Variants in NCAM2 observed in about 807,000 individuals in gnomAD.
NCAM2 encodes the protein N-CAM-2.
NCAM2 carries 30 observed loss-of-function variants against 98.1 expected under a neutral mutation model. The ratio of observed to expected loss-of-function variants is 0.31; its 90% CI spans 0.23 to 0.41. The LOEUF is 0.41. Among genes scored for constraint, NCAM2 ranks in the 10% least tolerant of loss-of-function variants. NCAM2 has a pLI of 1.00. For missense variants in NCAM2, 867 were observed against 1,005.8 expected, an observed-to-expected ratio of 0.86 and a Z score of 1.87; for synonymous variants, 368 against 342.4, an observed-to-expected ratio of 1.07 and a Z score of -0.83.
chr21:21,041,339 G>A lies in NCAM2; in HGVS notation c.55+42721G>A, dbSNP rs2064900593. On this transcript the variant is annotated intron_variant, in intron 1 of 17. Transcript: ENST00000400546. ...GGGAAGCCGTGTTATGCTCTCAACAGAATTTTTTCACTCATTAATTGTATA... is the reference window on the plus strand; with the variant it reads ...GGGAAGCCGTGTTATGCTCTCAACAAAATTTTTTCACTCATTAATTGTATA... Among the ~76,000 whole-genome samples the A allele has an allele frequency of 2.0e-5, 3 of 152,102 alleles. No homozygotes were observed. In the South Asian group the frequency reaches 6.2e-4, roughly 32 times the overall value.
At position 21,103,508 on chromosome 21, in the gene NCAM2, T is replaced by G. The variant is rs143327456; in HGVS notation, c.55+104890T>G. On this transcript the variant is annotated intron_variant, in intron 1 of 17. Transcript: ENST00000400546. ...GAAATATGTATTCTAAAATATAAAG[T>G]GTAAAAATTAACAATACATGAAATA... Among the ~76,000 whole-genome samples, 881 of 152,106 alleles carry G rather than the reference T, an allele frequency of 5.8e-3. 9 individuals are homozygous for G. Among genetic ancestry groups the G allele is most frequent in the East Asian group, 0.033 (168 of 5,162 alleles).
intron 12 of NCAM2, among the ~76,000 whole-genome samples, chr21:21,446,875 AC>A (rs1365999271): frequency 6.6e-6 from 1 of 152,144 alleles, no homozygotes; most frequent in African/African-American, 2.4e-5. Context: ...AAGGAGAACT[AC>A]AAACCACTCT....
intron 10 of NCAM2, among the ~76,000 whole-genome samples, chr21:21,412,182 C>T (rs137950107): frequency 5.9e-5 from 9 of 152,288 alleles, no homozygotes; most frequent in African/African-American, 2.2e-4. Flanking sequence ...GAGGACTCTT[C>T]CCTGGACTTG....
intron 1 of NCAM2, among the ~76,000 whole-genome samples, chr21:21,000,883 G>A (rs1347974533): frequency 6.6e-6 from 1 of 151,874 alleles, no homozygotes; most frequent in East Asian, 1.9e-4. Context: ...ACACACCACC[G>A]GGAGCTGTTT....
chr21:21,287,955 G>C (rs761706471), intron 4 of NCAM2, among the ~76,000 whole-genome samples: 1 of 151,758 alleles, frequency 6.6e-6, no homozygotes, highest in Non-Finnish European at 1.5e-5. Context: ...TGAGACTTTA[G>C]ACATAAAGTC....
At chr21:21,039,705 G>A (rs889683362) in intron 1 of NCAM2, among the ~76,000 whole-genome samples, 1 of 152,118 alleles carries the variant, frequency 6.6e-6, no homozygotes, top group Non-Finnish European at 1.5e-5. Flanking sequence ...ATGGAAATGA[G>A]AACATTTTTC....
intron 15 of NCAM2, among the ~76,000 whole-genome samples, chr21:21,487,456 T>A (rs1281020136): frequency 6.6e-6 from 1 of 152,118 alleles, no homozygotes; most frequent in Non-Finnish European, 1.5e-5. Context: ...AATTTGAGCT[T>A]GTGTGTTGAG....
chr21:21,362,247 T>C (rs2075664635), intron 8 of NCAM2, among the ~76,000 whole-genome samples: 1 of 152,178 alleles, frequency 6.6e-6, no homozygotes, highest in African/African-American at 2.4e-5. Flanking sequence ...TTGATTCACC[T>C]GAAACAAGCC....
chr21:21,038,024 A>T (rs1223853218), intron 1 of NCAM2, among the ~76,000 whole-genome samples: 2 of 152,218 alleles, frequency 1.3e-5, no homozygotes, highest in Non-Finnish European at 2.9e-5. Context: ...ACATGACATT[A>T]TGAAAAATGG....
At chr21:21,439,761 A>C (rs1978966181) in intron 12 of NCAM2, among the ~76,000 whole-genome samples, 1 of 152,258 alleles carries the variant, frequency 6.6e-6, no homozygotes, top group Non-Finnish European at 1.5e-5. Flanking sequence ...CTATTTCTTT[A>C]AATGATATGT....
intron 9 of NCAM2, 78 bp from the exon 10 acceptor site, chr21:21,410,196 A>C (rs1019522618): frequency 2.5e-6 from 2 of 787,592 alleles, no homozygotes; most frequent in Non-Finnish European, 3.6e-6. Context: ...CAGTAGAAAT[A>C]ACTAATGCTT....
At chr21:21,213,084 A>G (rs2069727119) in intron 1 of NCAM2, among the ~76,000 whole-genome samples, 1 of 152,150 alleles carries the variant, frequency 6.6e-6, no homozygotes, top group Admixed American at 6.5e-5. Context: ...TTGTCCCCCA[A>G]ATGAGTCAAT....
At chr21:21,270,618 A>T (rs898537726) in intron 1 of NCAM2, among the ~76,000 whole-genome samples, 4 of 152,298 alleles carry the variant, frequency 2.6e-5, no homozygotes, top group Admixed American at 1.3e-4. Context: ...TATTGCAGCT[A>T]TTTAATTCAT....
chr21:21,224,152 T>C (rs1406548570), intron 1 of NCAM2, among the ~76,000 whole-genome samples: 2 of 152,148 alleles, frequency 1.3e-5, no homozygotes, highest in Admixed American at 1.3e-4. Flanking sequence ...GACAAAATTT[T>C]CCCCCATGGG....
chr21:21,198,542 G>GA (rs1301576571), intron 1 of NCAM2, among the ~76,000 whole-genome samples: 1 of 152,136 alleles, frequency 6.6e-6, no homozygotes, highest in African/African-American at 2.4e-5. Context: ...TTAATAAAAT[G>GA]AAGCATTGAC....
chr21:21,135,170 A>C (rs372797029), intron 1 of NCAM2, among the ~76,000 whole-genome samples: 3,341 of 145,174 alleles, frequency 0.023, 61 homozygotes, highest in South Asian at 0.052. Flanking sequence ...GGTGTGAACC[A>C]GGGAGGCGGA....
intron 9 of NCAM2, among the ~76,000 whole-genome samples, chr21:21,408,521 T>C (rs2145904882): frequency 6.6e-6 from 1 of 152,294 alleles, no homozygotes; most frequent in South Asian, 2.1e-4. Context: ...GAGAATTGTT[T>C]CAATTATATT....
At chr21:21,339,720 A>G (rs942887293) in intron 8 of NCAM2, among the ~76,000 whole-genome samples, 23 of 151,928 alleles carry the variant, frequency 1.5e-4, no homozygotes, top group Non-Finnish European at 2.8e-4. Context: ...CTTTACATCA[A>G]TCAGTCCATC....
intron 12 of NCAM2, among the ~76,000 whole-genome samples, chr21:21,452,082 G>A (rs1220531332): frequency 6.6e-6 from 1 of 150,972 alleles, no homozygotes; most frequent in Non-Finnish European, 1.5e-5. Context: ...TTCGTTTTAG[G>A]ATATAGTTTA....
Sources: gnomAD v4.1 joint callset for allele counts (sites outside exome capture counted in the v4.1 genomes callset) on GRCh38, gnomAD v4.1.1 for gene constraint, MANE v1.5 for transcripts, NCBI Gene and HGNC (gene_info 2026-07-23, HGNC 2026-07-21) for gene names.